Variants in C1QTNF2 observed in about 807,000 individuals in gnomAD.
C1QTNF2 encodes the protein complement C1q tumor necrosis factor-related protein 2.
C1QTNF2 carries 15 observed loss-of-function variants against 17.4 expected under a neutral mutation model. That is an observed-to-expected ratio of 0.86 (90% CI 0.58 to 1.33). The LOEUF (loss-of-function observed/expected upper bound fraction) is 1.33, where lower values mean the gene tolerates loss of function less well. Among genes scored for constraint, C1QTNF2 ranks in the 40% most tolerant of loss-of-function variants. The pLI is 0.00. For synonymous variants in C1QTNF2, 154 were observed against 163.3 expected (o/e 0.94, Z 0.44); for missense variants, 381 against 392.3 (o/e 0.97, Z 0.24).
chr5:160,369,984 A>G (rs909821300), intron 1 of C1QTNF2, among the ~76,000 whole-genome samples: 1 of 152,218 alleles, frequency 6.6e-6, no homozygotes, highest in Non-Finnish European at 1.5e-5. Context: ...TCATATATTT[A>G]AATAAATGTG....
chr5:160,351,159 T>G (rs1763912840), intron 2 of C1QTNF2, among the ~76,000 whole-genome samples: 1 of 152,228 alleles, frequency 6.6e-6, no homozygotes, highest in Non-Finnish European at 1.5e-5. Context: ...TTCCCCCAGT[T>G]GTGTTTTCCT....
intron 1 of C1QTNF2, among the ~76,000 whole-genome samples, chr5:160,368,531 C>CAAAAAAA (rs1491589028): frequency 6.9e-5 from 4 of 58,126 alleles, no homozygotes; most frequent in Non-Finnish European, 1.1e-4. Flanking sequence ...GACTCCTTCT[C>CAAAAAAA]AAAAAAAAAG....
At chr5:160,369,264 C>T (rs1218075335) in intron 1 of C1QTNF2, among the ~76,000 whole-genome samples, 1 of 151,950 alleles carries the variant, frequency 6.6e-6, no homozygotes. Flanking sequence ...ACATTTAAAA[C>T]AAAAGGTAAA....
At chr5:160,360,496 A>G (rs1764133909) in intron 1 of C1QTNF2, among the ~76,000 whole-genome samples, 5 of 152,068 alleles carry the variant, frequency 3.3e-5, no homozygotes, top group Non-Finnish European at 5.9e-5. Flanking sequence ...TTGACCCCTT[A>G]CAGTATAGGG....
rs751146468 is a variant in C1QTNF2, at chr5:160,349,417, C to T, written c.609G>A (p.Leu203=). The T allele has an allele frequency of 6.2e-7, 1 of 1,614,054 alleles. No individual in the cohort carries two copies. The highest frequency in any genetic ancestry group is 2.2e-5 in the East Asian group (1 of 44,886). The change falls in exon 3 of 3, where the codon CTG becomes CTA. Residue 203 remains leucine (L), a synonymous_variant. Transcript: ENST00000652664. The surrounding 1 kb of genome is among the most constrained non-coding windows in gnomAD (Gnocchi z 4.3). ...GGCCGATGGCCAGGTGCTTGTTGGC[C>T]AGCGTGATGTCGTAGGTGAAGTAGT... is the stretch of plus-strand genomic sequence containing the variant. ...GIYYFTYDIT[L]ANKHLAIGLV...
intron 1 of C1QTNF2, among the ~76,000 whole-genome samples, chr5:160,357,811 ACGAGAGAGAGGGAGAGAGAC>A: frequency 6.6e-6 from 1 of 151,772 alleles, no homozygotes; most frequent in African/African-American, 2.4e-5. Context: ...AGCCAGCCGG[ACGAGAGAGAGGGAGAGAGAC>A]TGGCAGAAAA....
rs952171116 is a variant in C1QTNF2, at chr5:160,349,936, A to C, written c.245-155T>G. 6.6e-6 allele frequency among the ~76,000 whole-genome samples: 1 copy of C among 152,228 alleles called. No individual in the cohort carries two copies. The highest frequency in any genetic ancestry group is 1.5e-5 in the Non-Finnish European group (1 of 68,032). On this transcript the variant is annotated intron_variant, in intron 2 of 2. Transcript: ENST00000652664. This position sits in a 1 kb window ranked among gnomAD's most constrained non-coding sequence, Gnocchi z 4.3. ...ACATATAGAAGTGGGTGTAAATCCT[A>C]ATGCTAGCTCTCTGGAAAATGGAAA...
chr5:160,360,053 C>T (rs1355675313), intron 1 of C1QTNF2, among the ~76,000 whole-genome samples: 1 of 152,110 alleles, frequency 6.6e-6, no homozygotes, highest in African/African-American at 2.4e-5. Context: ...GGCTCTTTAT[C>T]TGCTGTATTT....
At chr5:160,355,554 T>C (rs1165180759) in intron 1 of C1QTNF2, among the ~76,000 whole-genome samples, 5 of 152,192 alleles carry the variant, frequency 3.3e-5, no homozygotes, top group Admixed American at 1.3e-4. Flanking sequence ...CAGGCCGTGG[T>C]AGCAGCTCCT....
chr5:160,363,826 A>T lies in C1QTNF2; in HGVS notation c.-10+6686T>A, dbSNP rs115573071. ...GTTTTCTGCCACGTGGAGACCAAGG[A>T]CTGCCATGGGAGAGAAGAATGCAGC... On this transcript the variant is annotated intron_variant, in intron 1 of 2. Coordinates refer to ENST00000652664, the MANE Select transcript of C1QTNF2 (RefSeq NM_031908.6). Among the ~76,000 whole-genome samples the T allele has an allele frequency of 9.9e-3, 1,513 of 152,294 alleles. 30 individuals are homozygous for T. Among genetic ancestry groups the T allele is most frequent in the African/African-American group, 0.035 (1,443 of 41,564 alleles).
chr5:160,349,280 AGCCAAACTTC>A lies in C1QTNF2; in HGVS notation c.736_745del (p.Glu246CysfsTer26). ...GTTCTGCTCTGAGTAGAAGATCTGCAGCCAAACTTCGTCACCCTGCTTGAGAGCCAGGATG... is the reference window on the plus strand; with the variant it reads ...GTTCTGCTCTGAGTAGAAGATCTGCAGTCACCCTGCTTGAGAGCCAGGATG... On this transcript the variant is annotated frameshift_variant, in exon 3 of 3. Transcript: ENST00000652664. LOFTEE classifies it high-confidence loss of function. This position sits in a 1 kb window ranked among gnomAD's most constrained non-coding sequence, Gnocchi z 4.3. 2 of 1,614,112 alleles carry A rather than the reference AGCCAAACTTC, an allele frequency of 1.2e-6. No homozygotes were observed. Among genetic ancestry groups the A allele is most frequent in the Non-Finnish European group, 1.7e-6 (2 of 1,180,018 alleles).
chr5:160,354,584 GA>G (rs200801719), intron 2 of C1QTNF2, among the ~76,000 whole-genome samples, 183 bp downstream of exon 2: 12 of 27,490 alleles, frequency 4.4e-4, no homozygotes, highest in South Asian at 3.3e-3. Flanking sequence ...GTCTCAAGGG[GA>G]AAAAAAAAAA....
In C1QTNF2 at chr5:160,348,916, C is replaced by G; in HGVS notation, c.*252G>C. 1 of 469,644 alleles carries G rather than the reference C, an allele frequency of 2.1e-6. No homozygotes were observed. The allele number at this position is 469,644 out of a possible 1,614,324, so 29.1% of individuals were successfully genotyped here. A position where few individuals can be genotyped will look rare whatever the true frequency, so the allele number is the denominator to read the frequency against. On this transcript the variant is annotated 3_prime_UTR_variant, in exon 3 of 3. Coordinates refer to ENST00000652664, the MANE Select transcript of C1QTNF2 (RefSeq NM_031908.6). Reference sequence around the variant, plus strand: ...GAGGACAGATACTCTGTCTTGTCCACTGCTGCATCTTTCAGAGAATAGCAT... The same window carrying G: ...GAGGACAGATACTCTGTCTTGTCCAGTGCTGCATCTTTCAGAGAATAGCAT...
chr5:160,353,566 G>A (rs1763966220), intron 2 of C1QTNF2, among the ~76,000 whole-genome samples: 1 of 152,116 alleles, frequency 6.6e-6, no homozygotes, highest in African/African-American at 2.4e-5. Context: ...TTGGTCAAGG[G>A]AATTGGTCCA....
intron 1 of C1QTNF2, 154 bp from the exon 2 acceptor site, chr5:160,355,174 G>A (rs1764025310): frequency 3.1e-6 from 3 of 976,594 alleles, no homozygotes; most frequent in East Asian, 1.1e-4. Context: ...TAGATGTGAT[G>A]TGGACAGAGT....
intron 1 of C1QTNF2, among the ~76,000 whole-genome samples, chr5:160,356,084 C>A (rs1006457178): frequency 6.6e-6 from 1 of 152,200 alleles, no homozygotes; most frequent in Non-Finnish European, 1.5e-5. Flanking sequence ...GTATCTACTC[C>A]CTGCCCTCAC....
chr5:160,364,199 A>T (rs1105788), intron 1 of C1QTNF2, among the ~76,000 whole-genome samples: 70 of 152,024 alleles, frequency 4.6e-4, no homozygotes, highest in African/African-American at 1.7e-3. Context: ...TCACACTTGC[A>T]GCGGATCTCA....
rs191940172 is a variant in C1QTNF2, at chr5:160,350,667, A to C, written c.245-886T>G. ...CAGTGAGCTATGATTGTGTCACTGC[A>C]TTCCAGCCTGGGCAACAGAGTAAGA... On this transcript the variant is annotated intron_variant, in intron 2 of 2. Transcript: ENST00000652664. Among the ~76,000 whole-genome samples, 1,155 of 152,304 alleles carry C rather than the reference A, an allele frequency of 7.6e-3. 14 individuals are homozygous for C. Among genetic ancestry groups the C allele is most frequent in the African/African-American group, 0.026 (1,061 of 41,562 alleles).
Position 160,354,941 on chromosome 5 carries a change from C to T in C1QTNF2, c.71G>A (p.Arg24His), listed in dbSNP as rs369887111. 5.6e-5 allele frequency: 90 copies of T among 1,595,350 alleles called. No individual in the cohort carries two copies. Among genetic ancestry groups the T allele is most frequent in the South Asian group, 5.1e-4 (45 of 87,992 alleles). Residue 24 changes from arginine to histidine, a missense_variant, in exon 2 of 3, where the codon CGC (arginine) becomes CAC (histidine). Transcript: ENST00000652664. ...AADPLLGAFA[R>H]RDFRKGSPQL... ...AGGGGAGCCTTTCCGGAAGTCCCTG[C>T]GAGCAAAGGCGCCAAGCAGTGGGTC...
Sources: gnomAD v4.1 joint callset for allele counts (sites outside exome capture counted in the v4.1 genomes callset) on GRCh38, gnomAD v4.1.1 for gene constraint, Gnocchi (gnomAD v3.1) non-coding constraint, MANE v1.5 for transcripts, NCBI Gene and HGNC (gene_info 2026-07-23, HGNC 2026-07-21) for gene names.